Variants in DACH1 observed in about 807,000 individuals in gnomAD.
The protein encoded by DACH1 is dachshund homolog 1.
A neutral mutation model predicts 54.2 loss-of-function variants in DACH1; 12 were observed. The observed-to-expected ratio is 0.22, with a 90% CI of 0.14 to 0.36. DACH1 has a LOEUF of 0.36. Among genes scored for constraint, DACH1 ranks in the 10% least tolerant of loss-of-function variants. The pLI, the probability that DACH1 is intolerant of heterozygous loss-of-function variation, is 1.00. For synonymous variants in DACH1, 386 were observed against 366.2 expected (o/e 1.05, Z -0.62); for missense variants, 805 against 929.8 (o/e 0.87, Z 1.75).
rs115260831 is a variant in DACH1 at position 71,450,804 on chromosome 13, A to T, written c.2084-10112T>A. On this transcript the variant is annotated intron_variant, in intron 10 of 10. Transcript: ENST00000613252. ...AAAGTTTGAGGGTTCTGAATAAAAGATCAAACCAACCACATTCCCTTAAGC... is the reference window on the plus strand; with the variant it reads ...AAAGTTTGAGGGTTCTGAATAAAAGTTCAAACCAACCACATTCCCTTAAGC... Among the ~76,000 whole-genome samples the T allele has an allele frequency of 1.7e-3, 252 of 152,302 alleles. 1 individual carries two copies. Among genetic ancestry groups the T allele is most frequent in the African/African-American group, 5.8e-3 (241 of 41,556 alleles).
At chr13:71,711,108 C>A (rs1882703668) in intron 1 of DACH1, among the ~76,000 whole-genome samples, 1 of 152,142 alleles carries the variant, frequency 6.6e-6, no homozygotes, top group Non-Finnish European at 1.5e-5. Flanking sequence ...TTAGGTCATA[C>A]ACTAGGCTGG....
chr13:71,441,101 C>G (rs911520484), intron 10 of DACH1, among the ~76,000 whole-genome samples: 2 of 152,054 alleles, frequency 1.3e-5, no homozygotes, highest in African/African-American at 4.8e-5. Flanking sequence ...GAACTCCCAT[C>G]TTACTCTTTA....
intron 5 of DACH1, among the ~76,000 whole-genome samples, chr13:71,558,539 T>C (rs1884396743): frequency 6.6e-6 from 1 of 152,076 alleles, no homozygotes; most frequent in Non-Finnish European, 1.5e-5. Flanking sequence ...CAATTTTTTT[T>C]TCTCTAGGAC....
At chr13:71,741,993 C>T (rs1286481432) in intron 1 of DACH1, among the ~76,000 whole-genome samples, 1 of 152,136 alleles carries the variant, frequency 6.6e-6, no homozygotes, top group Admixed American at 6.6e-5. Context: ...ACAATTCCCA[C>T]ATGTTGTGGG....
At chr13:71,613,204 G>A (rs144902870) in intron 3 of DACH1, among the ~76,000 whole-genome samples, 127 of 152,172 alleles carry the variant, frequency 8.3e-4, no homozygotes, top group Non-Finnish European at 8.1e-4. Flanking sequence ...AGAGAACAGA[G>A]ATCCACTGGC....
intron 1 of DACH1, among the ~76,000 whole-genome samples, chr13:71,715,692 A>C (rs1258380892): frequency 6.6e-6 from 1 of 151,986 alleles, no homozygotes; most frequent in Non-Finnish European, 1.5e-5. Context: ...TGAGAACGAG[A>C]TATGTCTTTT....
chr13:71,472,362 T>C (rs1877157401), intron 10 of DACH1, among the ~76,000 whole-genome samples: 3 of 152,204 alleles, frequency 2.0e-5, no homozygotes, highest in Admixed American at 2.0e-4. Flanking sequence ...GAAATGGTGA[T>C]ACAAAATGCC....
intron 7 of DACH1, among the ~76,000 whole-genome samples, chr13:71,487,463 G>A (rs1310538488): frequency 6.6e-6 from 1 of 151,550 alleles, no homozygotes; most frequent in Non-Finnish European, 1.5e-5. Flanking sequence ...GAGGTGATGT[G>A]GATAACATTC....
At chr13:71,740,964 T>G (rs1417175422) in intron 1 of DACH1, among the ~76,000 whole-genome samples, 1 of 152,158 alleles carries the variant, frequency 6.6e-6, no homozygotes, top group Non-Finnish European at 1.5e-5. Flanking sequence ...AAGCGAAGAC[T>G]TTTTACTTTG....
chr13:71,540,398 A>C (rs913369499), intron 6 of DACH1, among the ~76,000 whole-genome samples: 5 of 152,092 alleles, frequency 3.3e-5, no homozygotes, highest in African/African-American at 9.7e-5. Context: ...TGGTCCTCAC[A>C]AGTTGGCAGA....
In DACH1 at chr13:71,820,105, G is replaced by GAAAAAA. The variant is rs59126150; in HGVS notation, c.848+45811_848+45816dup. Among the ~76,000 whole-genome samples, 49 of 54,042 alleles carry GAAAAAA rather than the reference G, an allele frequency of 9.1e-4. 2 individuals carry two copies. The highest frequency in any genetic ancestry group is 2.0e-3 in the East Asian group (3 of 1,524). 35.5% of individuals were successfully genotyped at this position (54,042 alleles called of 152,430 possible). On this transcript the variant is annotated intron_variant, in intron 1 of 10. Transcript: ENST00000613252. ...AACATAGGGAGATCCTGCCTCTACC[G>GAAAAAA]AAAAAAAAAAAAAAAAAAAAAAAGA...
intron 1 of DACH1, among the ~76,000 whole-genome samples, chr13:71,706,904 T>A (rs1882477717): frequency 6.6e-6 from 1 of 152,234 alleles, no homozygotes. Flanking sequence ...CTATTTAAAC[T>A]GTTTTAAAGA....
intron 6 of DACH1, 61 bp from the exon 7 acceptor site, chr13:71,489,209 C>T (rs899578385): frequency 1.3e-6 from 2 of 1,543,214 alleles, no homozygotes; most frequent in South Asian, 1.2e-5. Context: ...TATTAGACCT[C>T]AGTAATGGCT....
intron 2 of DACH1, 112 bp from the exon 3 acceptor site, chr13:71,630,829 T>A: frequency 8.1e-7 from 1 of 1,233,100 alleles, no homozygotes. Context: ...CTGATTCCTT[T>A]ATGCAACACT....
intron 6 of DACH1, among the ~76,000 whole-genome samples, chr13:71,521,408 A>G (rs1309458862): frequency 6.6e-6 from 1 of 152,072 alleles, no homozygotes; most frequent in Non-Finnish European, 1.5e-5. Context: ...ATGTATAAAT[A>G]TATGTAGGTT....
intron 1 of DACH1, among the ~76,000 whole-genome samples, chr13:71,738,890 T>C (rs1372871186): frequency 6.6e-6 from 1 of 151,886 alleles, no homozygotes; most frequent in African/African-American, 2.4e-5. Flanking sequence ...TAAATTTTTA[T>C]GGAAGACAAT....
chr13:71,573,460 G>C, intron 3 of DACH1: 2 of 716,806 alleles, frequency 2.8e-6, no homozygotes, highest in Non-Finnish European at 5.2e-6. Context: ...TTGAGAGGAT[G>C]ACTAAGTGGA....
chr13:71,612,939 T>C (rs1875443244), intron 3 of DACH1, among the ~76,000 whole-genome samples: 1 of 152,246 alleles, frequency 6.6e-6, no homozygotes, highest in Admixed American at 6.5e-5. Context: ...AATAATTGAC[T>C]GATAGTGCAT....
chr13:71,585,303 T>C (rs1446185485), intron 3 of DACH1, among the ~76,000 whole-genome samples: 3 of 152,148 alleles, frequency 2.0e-5, no homozygotes, highest in East Asian at 1.9e-4. Context: ...CATGTAAGCA[T>C]GTGTGTTGGA....
Sources: allele counts gnomAD v4.1 joint callset (sites outside exome capture counted in the v4.1 genomes callset), GRCh38; gene constraint gnomAD v4.1.1; transcripts MANE v1.5; gene names NCBI Gene and HGNC (gene_info 2026-07-23, HGNC 2026-07-21).